TNRC6B: variants seen among roughly 807,000 people sequenced by gnomAD.
The protein encoded by TNRC6B is trinucleotide repeat-containing gene 6B protein.
A neutral mutation model predicts 203.6 loss-of-function variants in TNRC6B; 52 were observed. The ratio of observed to expected loss-of-function variants is 0.26; its 90% confidence interval spans 0.20 to 0.32. The LOEUF (loss-of-function observed/expected upper bound fraction) is 0.32. Ranked by LOEUF, TNRC6B falls within the 10% of genes least tolerant of loss-of-function variation. The pLI is 1.00. For synonymous variants in TNRC6B, 838 were observed against 845.7 expected (o/e 0.99, Z 0.16); for missense variants, 1,923 against 2,286.2 (o/e 0.84, Z 3.24).
intron 7 of TNRC6B, among the ~76,000 whole-genome samples, chr22:40,276,142 T>C (rs938315250): frequency 4.6e-5 from 7 of 151,970 alleles, no homozygotes; most frequent in Non-Finnish European, 8.8e-5. Flanking sequence ...GGTGAGGAGA[T>C]GGAGACCATC....
chr22:40,291,247 A>G (rs1301712887), intron 12 of TNRC6B, among the ~76,000 whole-genome samples: 3 of 152,074 alleles, frequency 2.0e-5, no homozygotes, highest in African/African-American at 2.4e-5. Context: ...TTAGCCGGGC[A>G]TGGTGGTGCA....
intron 12 of TNRC6B, among the ~76,000 whole-genome samples, chr22:40,298,538 C>T (rs549486935): frequency 6.6e-6 from 1 of 152,358 alleles, no homozygotes; most frequent in South Asian, 2.1e-4. Flanking sequence ...GAGGACATCT[C>T]TAAGCATTTG....
intron 7 of TNRC6B, among the ~76,000 whole-genome samples, chr22:40,275,787 C>T (rs1384260906): frequency 2.6e-5 from 4 of 151,882 alleles, no homozygotes; most frequent in African/African-American, 7.3e-5. Flanking sequence ...GGCAAAACCC[C>T]GTCTCTACTA....
chr22:40,201,876 G>A (rs1044273283), intron 1 of TNRC6B, among the ~76,000 whole-genome samples: 1 of 152,096 alleles, frequency 6.6e-6, no homozygotes, highest in African/African-American at 2.4e-5. Flanking sequence ...TCAGATTCAG[G>A]ATGCTCAACC....
At chr22:40,106,809 C>T in intron 1 of TNRC6B, 1 of 1,105,582 alleles carries the variant, frequency 9.0e-7, no homozygotes, top group South Asian at 1.2e-5. Flanking sequence ...AATTTGGGTT[C>T]TGCAGGTACA....
chr22:40,283,638 G>A (rs2070745762), intron 11 of TNRC6B, among the ~76,000 whole-genome samples: 1 of 152,092 alleles, frequency 6.6e-6, no homozygotes, highest in South Asian at 2.1e-4. Context: ...ATCAACTACT[G>A]TGGACTTACC....
At chr22:40,222,217 C>T (rs1396782608) in intron 1 of TNRC6B, among the ~76,000 whole-genome samples, 3 of 152,164 alleles carry the variant, frequency 2.0e-5, no homozygotes, top group Non-Finnish European at 4.4e-5. Flanking sequence ...TAATTGATGG[C>T]CACTCTAGGC....
In TNRC6B at chr22:40,321,277, C is replaced by G; in HGVS notation, c.5114+48C>G. ...ACGTAGACAAACATGCATGAAGATG[C>G]ACCCGTGAGTATTCTGGCAGCTGCT... On this transcript the variant is annotated intron_variant, in intron 22 of 22. Coordinates refer to ENST00000454349, the MANE Select transcript of TNRC6B (RefSeq NM_001162501.2). 5 of 1,597,002 alleles carry G rather than the reference C, an allele frequency of 3.1e-6. No individual in the cohort carries two copies. The South Asian group carries it at 5.5e-5, about 18-fold the overall frequency.
intron 1 of TNRC6B, among the ~76,000 whole-genome samples, chr22:40,231,059 A>C (rs1043822752): frequency 2.2e-4 from 33 of 151,932 alleles, no homozygotes; most frequent in East Asian, 1.5e-3. Flanking sequence ...CTCTCTATAT[A>C]TATATATATC....
chr22:40,200,198 C>G (rs1205569894), intron 1 of TNRC6B, among the ~76,000 whole-genome samples: 2 of 149,276 alleles, frequency 1.3e-5, no homozygotes, highest in Non-Finnish European at 3.0e-5. Flanking sequence ...TGGGGAGAGA[C>G]AGTTCTTGGT....
intron 1 of TNRC6B, among the ~76,000 whole-genome samples, chr22:40,186,958 G>A (rs2069212264): frequency 6.6e-6 from 1 of 152,036 alleles, no homozygotes; most frequent in African/African-American, 2.4e-5. Flanking sequence ...GGAAATACTT[G>A]ATTTGCTTTT....
At chr22:40,130,609 G>A (rs923349521) in intron 3 of TNRC6B, among the ~76,000 whole-genome samples, 1 of 150,866 alleles carries the variant, frequency 6.6e-6, no homozygotes, top group Non-Finnish European at 1.5e-5. Flanking sequence ...GTGAAACTCC[G>A]TCTCTACTAA....
rs201502899 is a variant in TNRC6B, at chr22:40,312,509, C to T, written c.4440C>T (p.Phe1480=). The part of the protein sequence containing the change: ...KSSNASWPPE[F]QPGVPWKGIQ... ...TATTTGTTTTCCTTGTCTCAGAATT[C>T]CAACCAGGAGTGCCATGGAAAGGTA... Residue 1480 remains phenylalanine (F), a synonymous_variant, in exon 18 of 23, where the codon TTC becomes TTT. Coordinates refer to ENST00000454349, the MANE Select transcript of TNRC6B (RefSeq NM_001162501.2). 1.6e-5 allele frequency: 25 copies of T among 1,603,956 alleles called. No individual in the cohort carries two copies. Among genetic ancestry groups the T allele is most frequent in the Non-Finnish European group, 1.9e-5 (22 of 1,176,924 alleles).
intron 15 of TNRC6B, among the ~76,000 whole-genome samples, chr22:40,305,198 A>G (rs369141363): frequency 2.6e-5 from 4 of 152,310 alleles, no homozygotes; most frequent in East Asian, 1.9e-4. Flanking sequence ...CCTTGCATGA[A>G]TGATAAAAGC....
rs1254041965 is a variant in TNRC6B at position 40,131,363 on chromosome 22, C to T, written c.45+5501C>T. 6.0e-5 allele frequency among the ~76,000 whole-genome samples: 9 copies of T among 150,016 alleles called. No individual in the cohort carries two copies. The East Asian group carries it at 1.4e-3, about 23-fold the overall frequency. On this transcript the variant is annotated intron_variant, in intron 3 of 23. Transcript: ENST00000301923. ...AGATGGATTAGGATTATATATTCTT[C>T]GGGAGTTGGGAATTGTAGACTTTGA...
chr22:40,157,158 G>A (rs1211245970), intron 4 of TNRC6B, among the ~76,000 whole-genome samples: 1 of 151,960 alleles, frequency 6.6e-6, no homozygotes, highest in African/African-American at 2.4e-5. Flanking sequence ...TCCTCTCTCC[G>A]TCATAGAATG....
intron 12 of TNRC6B, among the ~76,000 whole-genome samples, chr22:40,292,659 AT>A (rs2070884008): frequency 6.6e-6 from 1 of 152,264 alleles, no homozygotes; most frequent in Non-Finnish European, 1.5e-5. Context: ...CACCACCGTG[AT>A]TCCTCTGCAG....
At chr22:40,221,751 G>GC (rs1239327384) in intron 1 of TNRC6B, among the ~76,000 whole-genome samples, 4,633 of 112,652 alleles carry the variant, frequency 0.041, 296 homozygotes, top group African/African-American at 0.11. Flanking sequence ...CCTTCTTATT[G>GC]CCCCCCCCCC....
At chr22:40,232,738 T>G (rs2069890660) in intron 1 of TNRC6B, among the ~76,000 whole-genome samples, 2 of 152,168 alleles carry the variant, frequency 1.3e-5, no homozygotes, top group Non-Finnish European at 2.9e-5. Flanking sequence ...GCTGGCTGGG[T>G]GCAGTGGTGC....
Sources: allele counts gnomAD v4.1 joint callset (sites outside exome capture counted in the v4.1 genomes callset), GRCh38; gene constraint gnomAD v4.1.1; transcripts MANE v1.5; gene names NCBI Gene and HGNC (gene_info 2026-07-23, HGNC 2026-07-21).